Variants in CSNK1G2 observed in about 807,000 individuals in gnomAD.
The protein encoded by CSNK1G2 is casein kinase 1 gamma 2.
Under a neutral mutation model 48.0 loss-of-function variants are expected in CSNK1G2, and 11 were observed. The observed-to-expected ratio is 0.23, with a 90% CI of 0.14 to 0.38. The LOEUF is 0.38. CSNK1G2 is among the 10% of genes least tolerant of loss of function. CSNK1G2 has a pLI of 1.00. For missense variants in CSNK1G2, 446 were observed against 595.5 expected, an observed-to-expected ratio of 0.75 and a Z score of 2.61; for synonymous variants, 337 against 254.1, an observed-to-expected ratio of 1.33 and a Z score of -3.10.
Position 1,941,205 on chromosome 19 carries a change from A to AGCGGGCGCGGCGGAGCGCG in CSNK1G2, c.-475_-457dup, listed in dbSNP as rs973541833. 32 of 145,234 alleles carry AGCGGGCGCGGCGGAGCGCG rather than the reference A, an allele frequency of 2.2e-4. No homozygotes were observed. Among genetic ancestry groups the AGCGGGCGCGGCGGAGCGCG allele is most frequent in the Admixed American group, 6.2e-4 (9 of 14,630 alleles). The allele number at this position is 145,234 out of a possible 1,614,324, so 9.0% of individuals were successfully genotyped here. A position where few individuals can be genotyped will look rare whatever the true frequency, so the allele number is the denominator to read the frequency against. On this transcript the variant is annotated 5_prime_UTR_variant, in exon 1 of 12. Transcript: ENST00000255641. ...GCGGCGTAAGGCGCGCGGGCCCCGG[A>AGCGGGCGCGGCGGAGCGCG]GCGGGCGCGGCGGAGCGCGGCGAGC...
At chr19:1,950,235 G>T (rs1187316472) in intron 1 of CSNK1G2, among the ~76,000 whole-genome samples, 1 of 152,124 alleles carries the variant, frequency 6.6e-6, no homozygotes, top group Non-Finnish European at 1.5e-5. Flanking sequence ...TGCCTCCCGG[G>T]TTCACACCAT....
In CSNK1G2 at chr19:1,969,317, C is replaced by T. The variant is rs2015486030; in HGVS notation, c.-265-191C>T. ...CAGGCAGCCACGCCGAGATCTCTGG[C>T]CTCTGATGTCATGTGATGTGTGCTT... On this transcript the variant is annotated intron_variant, in intron 1 of 11. Transcript: ENST00000255641. 2.0e-5 allele frequency among the ~76,000 whole-genome samples: 3 copies of T among 149,568 alleles called. No homozygotes were observed. The South Asian group carries it at 6.3e-4, about 31-fold the overall frequency.
chr19:1,969,627 T>A lies in CSNK1G2; in HGVS notation c.-146T>A, dbSNP rs2015496667. 1 of 674,536 alleles carries A rather than the reference T, an allele frequency of 1.5e-6. No individual in the cohort carries two copies. The highest frequency in any genetic ancestry group is 1.9e-5 in the African/African-American group (1 of 53,052). The allele number at this position is 674,536 out of a possible 1,614,324, so 41.8% of individuals were successfully genotyped here. A position where few individuals can be genotyped will look rare whatever the true frequency, so the allele number is the denominator to read the frequency against. Reference sequence around the variant, plus strand: ...CCTGGCCGGCCCGAACGCCTGCGTCTCAGTAGCTGGGAGCCACGGGCCCAC... The same window carrying A: ...CCTGGCCGGCCCGAACGCCTGCGTCACAGTAGCTGGGAGCCACGGGCCCAC... On this transcript the variant is annotated 5_prime_UTR_variant, in exon 2 of 12. Coordinates refer to ENST00000255641, the MANE Select transcript of CSNK1G2 (RefSeq NM_001319.7).
chr19:1,950,065 A>T (rs563238142), intron 1 of CSNK1G2, among the ~76,000 whole-genome samples: 1 of 152,330 alleles, frequency 6.6e-6, no homozygotes, highest in Non-Finnish European at 1.5e-5. Flanking sequence ...CCACAGGATC[A>T]TCGAGGTGGC....
Position 1,978,915 on chromosome 19 carries a change from C to A in CSNK1G2, c.504C>A (p.Pro168=). ...GCCTAATCTACCGGGACGTGAAGCC[C>A]GAGAACTTCCTGGTGGGCCGCCCGG... The part of the protein sequence containing the change: ...TKSLIYRDVK[P]ENFLVGRPGT... The change falls in exon 6 of 12, where the codon CCC becomes CCA. Residue 168 remains proline, a synonymous_variant. Transcript: ENST00000255641. The surrounding 1 kb of genome is among the most constrained non-coding windows in gnomAD (Gnocchi z 7.3). The A allele has an allele frequency of 2.5e-6, 4 of 1,602,768 alleles. No individual in the cohort carries two copies. Among genetic ancestry groups the A allele is most frequent in the Non-Finnish European group, 3.4e-6 (4 of 1,179,628 alleles).
At chr19:1,960,293 C>T (rs563984890) in intron 1 of CSNK1G2, among the ~76,000 whole-genome samples, 2 of 152,338 alleles carry the variant, frequency 1.3e-5, no homozygotes, top group South Asian at 2.1e-4. Flanking sequence ...GGCTTCTGCA[C>T]GCAGTCCCCT....
intron 1 of CSNK1G2, among the ~76,000 whole-genome samples, chr19:1,947,755 G>C (rs528613764): frequency 6.6e-6 from 1 of 152,230 alleles, no homozygotes; most frequent in Non-Finnish European, 1.5e-5. Flanking sequence ...TTGCGCTGGC[G>C]TCTGCACAGG....
intron 1 of CSNK1G2, among the ~76,000 whole-genome samples, chr19:1,950,420 T>A (rs79757824): frequency 6.8e-6 from 1 of 147,174 alleles, no homozygotes; most frequent in Non-Finnish European, 1.5e-5. Context: ...ATTACAGGCG[T>A]GAGCCACCGC....
rs371407966 is a variant in CSNK1G2 at position 1,979,314 on chromosome 19, C to T, written c.769-5C>T. On this transcript the variant is annotated splice_polypyrimidine_tract_variant and splice_region_variant and intron_variant, in intron 7 of 11. Coordinates refer to ENST00000255641, the MANE Select transcript of CSNK1G2 (RefSeq NM_001319.7). ...GGGAGCAAGGCTGACCACAGACCCC[C>T]GCAGGCCGACACGCTCAAGGAGCGG... 51 of 1,597,372 alleles carry T rather than the reference C, an allele frequency of 3.2e-5. No homozygotes were observed. In the African/African-American group the frequency reaches 4.4e-4, roughly 14 times the overall value.
intron 1 of CSNK1G2, among the ~76,000 whole-genome samples, chr19:1,966,758 C>T (rs539942322): frequency 5.9e-5 from 9 of 152,292 alleles, no homozygotes; most frequent in African/African-American, 1.4e-4. Context: ...CAGCAGCCAC[C>T]GCCCCAACGA....
chr19:1,961,076 G>A (rs1354438925), intron 1 of CSNK1G2, among the ~76,000 whole-genome samples: 1 of 152,224 alleles, frequency 6.6e-6, no homozygotes, highest in Non-Finnish European at 1.5e-5. Context: ...CGTCGCCCCC[G>A]CATGGTGGTC....
In CSNK1G2 at chr19:1,980,084, C is replaced by T. The variant is rs542241585; in HGVS notation, c.1194-65C>T. ...CTGGGTCCCCATGGGGGTGGGAGGG[C>T]CTGAGGCCTGGGCTGCCCCCGCCCT... On this transcript the variant is annotated intron_variant, in intron 11 of 11. Transcript: ENST00000255641. 120 of 1,603,270 alleles carry T rather than the reference C, an allele frequency of 7.5e-5. No individual in the cohort carries two copies. The African/African-American group carries it at 1.4e-3, about 19-fold the overall frequency.
chr19:1,966,484 G>C (rs1229636450), intron 1 of CSNK1G2, among the ~76,000 whole-genome samples: 2 of 152,212 alleles, frequency 1.3e-5, no homozygotes, highest in Non-Finnish European at 2.9e-5. Context: ...CAGGGGAGTT[G>C]CTTCAGTTGC....
At chr19:1,953,623 C>G (rs1307992167) in intron 1 of CSNK1G2, 1 of 420,900 alleles carries the variant, frequency 2.4e-6, no homozygotes, top group African/African-American at 2.0e-5. Context: ...CAGCTTTTCC[C>G]TGGTCAGCTC....
chr19:1,946,241 A>T (rs1324941039), intron 1 of CSNK1G2, among the ~76,000 whole-genome samples: 1 of 140,138 alleles, frequency 7.1e-6, no homozygotes, highest in Non-Finnish European at 1.6e-5. Flanking sequence ...GTCACGGGCC[A>T]GGGCTGGCCC....
rs953086134 is a variant in CSNK1G2 at position 1,979,661 on chromosome 19, G to T, written c.1002+18G>T. 2 of 1,601,718 alleles carry T rather than the reference G, an allele frequency of 1.2e-6. No individual in the cohort carries two copies. The highest frequency in any genetic ancestry group is 1.7e-6 in the Non-Finnish European group (2 of 1,179,686). On this transcript the variant is annotated intron_variant, in intron 9 of 11. Transcript: ENST00000255641. Reference sequence around the variant, plus strand: ...AGCCCCTGGTAGGTGGGGGGGTGCCGGTATGTGGGAGCGGGGGACCGGGAA... The same window carrying T: ...AGCCCCTGGTAGGTGGGGGGGTGCCTGTATGTGGGAGCGGGGGACCGGGAA...
In CSNK1G2 at chr19:1,978,419, G is replaced by T; in HGVS notation, c.229-23G>T. 2 of 1,611,708 alleles carry T rather than the reference G, an allele frequency of 1.2e-6. No homozygotes were observed. The highest frequency in any genetic ancestry group is 1.7e-6 in the Non-Finnish European group (2 of 1,179,436). ...TTCAGGGCAGCGACCCGGTCCCCTG[G>T]TGACTCGCTCTTGTGCCCCCAGGAG... On this transcript the variant is annotated intron_variant, in intron 3 of 11. Transcript: ENST00000255641. This position sits in a 1 kb window ranked among gnomAD's most constrained non-coding sequence, Gnocchi z 7.3.
chr19:1,943,612 G>T lies in CSNK1G2; in HGVS notation c.-266+2194G>T, dbSNP rs187533674. Among the ~76,000 whole-genome samples the T allele has an allele frequency of 1.8e-3, 267 of 152,090 alleles. 2 individuals are homozygous for T. Among genetic ancestry groups the T allele is most frequent in the Non-Finnish European group, 2.7e-3 (186 of 67,954 alleles). ...GTAGTCCTGTTGGTGTGCCAGGCAC[G>T]GTTGGGAGGGGGGGCACTGTGTCTT... On this transcript the variant is annotated intron_variant, in intron 1 of 11. Coordinates refer to ENST00000255641, the MANE Select transcript of CSNK1G2 (RefSeq NM_001319.7).
chr19:1,950,182 C>A (rs191165077), intron 1 of CSNK1G2, among the ~76,000 whole-genome samples: 1 of 152,092 alleles, frequency 6.6e-6, no homozygotes, highest in Non-Finnish European at 1.5e-5. Context: ...CTCTGTCCCC[C>A]AGGCTGGAGT....
Sources: allele counts gnomAD v4.1 joint callset (sites outside exome capture counted in the v4.1 genomes callset), GRCh38; gene constraint gnomAD v4.1.1; non-coding constraint Gnocchi (gnomAD v3.1); transcripts MANE v1.5; gene names NCBI Gene and HGNC (gene_info 2026-07-23, HGNC 2026-07-21).